The following PPEF1 variants were observed in gnomAD, a reference collection of about 807,000 sequenced individuals.
PPEF1 encodes protein phosphatase with EF-hand domain 1.
Under a neutral mutation model 53.3 loss-of-function variants are expected in PPEF1, and 12 were observed. The ratio of observed to expected loss-of-function variants is 0.23; its 90% confidence interval spans 0.14 to 0.36. PPEF1 has a LOEUF of 0.36. Among genes scored for constraint, PPEF1 ranks in the 10% least tolerant of loss-of-function variants. The probability of loss-of-function intolerance (pLI) is 1.00; values close to 1 mark genes in which losing one functional copy is unlikely to be tolerated. For missense variants in PPEF1, 334 were observed against 490.4 expected (o/e 0.68, Z 3.01); for synonymous variants, 165 against 176.7 (o/e 0.93, Z 0.52).
chrX:18,823,869 T>C (rs1197575244), intron 13 of PPEF1, 54 bp from the exon 14 acceptor site: 1 of 1,164,124 alleles, frequency 8.6e-7, no homozygotes, highest in Non-Finnish European at 1.2e-6. Context: ...GAGGTTGCAT[T>C]CTTTAAAATC....
intron 1 of PPEF1, among the ~76,000 whole-genome samples, chrX:18,713,166 A>G (rs938783586): frequency 1.8e-5 from 2 of 111,493 alleles, no homozygotes; most frequent in African/African-American, 3.3e-5. Context: ...CTTCTCCTCC[A>G]TTTTTTGGAA....
chrX:18,692,941 G>C (rs1388778491), intron 4 of PPEF1, among the ~76,000 whole-genome samples: 1 of 111,805 alleles, frequency 8.9e-6, no homozygotes, highest in African/African-American at 3.3e-5. Context: ...GATCAGTGGT[G>C]TTCTCTCTTA....
At chrX:18,726,913 C>T (rs1438183190) in intron 1 of PPEF1, among the ~76,000 whole-genome samples, 3 of 112,107 alleles carry the variant, frequency 2.7e-5, no homozygotes, top group South Asian at 3.7e-4. Flanking sequence ...CTGCCCACCT[C>T]GGCCTCCCAA....
At position 18,805,889 on chromosome X, in the gene PPEF1, AG is replaced by A. The variant is rs770711925; in HGVS notation, c.1252-512del. 9.3e-5 allele frequency among the ~76,000 whole-genome samples: 10 copies of A among 107,824 alleles called. No individual in the cohort carries two copies. In the South Asian group the frequency reaches 3.7e-3, roughly 40 times the overall value. 93.6% of individuals were successfully genotyped at this position (107,824 alleles called of 115,157 possible). ...TCCTCCCATATTCTACCACAGCCCAAGGCTAGTTCCTTCACAAGACAGTGGT... is the reference window on the plus strand; with the variant it reads ...TCCTCCCATATTCTACCACAGCCCAAGCTAGTTCCTTCACAAGACAGTGGT... On this transcript the variant is annotated intron_variant, in intron 11 of 15. Transcript: ENST00000470157.
chrX:18,695,023 G>A (rs2147250574), intron 4 of PPEF1, among the ~76,000 whole-genome samples: 1 of 112,030 alleles, frequency 8.9e-6, no homozygotes, highest in East Asian at 2.8e-4. Context: ...TTTCTGTGGG[G>A]CAGAAACCCA....
intron 9 of PPEF1, among the ~76,000 whole-genome samples, chrX:18,784,670 G>C (rs2147605664): frequency 9.0e-6 from 1 of 110,867 alleles, no homozygotes; most frequent in East Asian, 2.8e-4. Flanking sequence ...GTTTATTTCT[G>C]AATTGATACG....
intron 5 of PPEF1, 46 bp downstream of exon 5, chrX:18,757,787 T>C: frequency 1.0e-6 from 1 of 958,107 alleles, no homozygotes; most frequent in Non-Finnish European, 1.5e-6. Flanking sequence ...AGGAGCCTCT[T>C]GGTCCTACAT....
intron 2 of PPEF1, among the ~76,000 whole-genome samples, chrX:18,731,043 A>G (rs1167032567): frequency 8.9e-6 from 1 of 112,593 alleles, no homozygotes; most frequent in Non-Finnish European, 1.9e-5. Context: ...GAATACATAA[A>G]TCTAGTTTTA....
chrX:18,827,101 T>C (rs1318483467), intron 15 of PPEF1, among the ~76,000 whole-genome samples, 175 bp from the exon 16 acceptor site: 2 of 112,117 alleles, frequency 1.8e-5, no homozygotes, highest in African/African-American at 3.2e-5. Context: ...TAGTTGAAAG[T>C]GAGATATTGT....
intron 4 of PPEF1, among the ~76,000 whole-genome samples, chrX:18,695,376 T>A (rs1190858745): frequency 8.9e-6 from 1 of 112,677 alleles, no homozygotes; most frequent in East Asian, 2.8e-4. Context: ...GACATCCCAA[T>A]ACCATTGCCA....
Position 18,817,068 on chromosome X carries a change from A to ATGTG in PPEF1, c.1395-937_1395-934dup, listed in dbSNP as rs72334387. Among the ~76,000 whole-genome samples the ATGTG allele has an allele frequency of 4.3e-4, 43 of 100,118 alleles. No homozygotes were observed. In the South Asian group the frequency reaches 8.3e-3, roughly 19 times the overall value. The allele number at this position is 100,118 out of a possible 115,157, so 86.9% of individuals were successfully genotyped here. A position where few individuals can be genotyped will look rare whatever the true frequency, so the allele number is the denominator to read the frequency against. On this transcript the variant is annotated intron_variant, in intron 12 of 15. Coordinates refer to ENST00000470157, the MANE Select transcript of PPEF1 (RefSeq NM_001377996.1). ...CTGGATTTACATCTATCATTTTGCC[A>ATGTG]TGTGTGTGTGTGTGTGTGTGTGTGT...
intron 6 of PPEF1, among the ~76,000 whole-genome samples, chrX:18,769,268 C>G (rs185103060): frequency 1.0e-3 from 114 of 111,958 alleles, no homozygotes; most frequent in African/African-American, 3.5e-3. Context: ...ATAATCTTAT[C>G]ATCAAGTGAA....
intron 3 of PPEF1, among the ~76,000 whole-genome samples, chrX:18,743,429 T>C (rs993408102): frequency 9.5e-6 from 1 of 105,531 alleles, no homozygotes; most frequent in African/African-American, 3.5e-5. Flanking sequence ...TTTTTTTCTT[T>C]TCTTTTTTCT....
chrX:18,740,415 T>C (rs1277495442), intron 3 of PPEF1, among the ~76,000 whole-genome samples: 27 of 105,062 alleles, frequency 2.6e-4, no homozygotes, highest in Non-Finnish European at 4.1e-4. Context: ...CTCTCTCTCT[T>C]TTTTTTTTTT....
At chrX:18,737,744 T>A (rs781251283) in intron 3 of PPEF1, among the ~76,000 whole-genome samples, 4 of 110,600 alleles carry the variant, frequency 3.6e-5, no homozygotes, top group Admixed American at 9.7e-5. Flanking sequence ...CCCATTATTA[T>A]TGTGTGGGAG....
exon 2 of PPEF1, among the ~76,000 whole-genome samples, chrX:18,684,700 C>G: frequency 9.2e-6 from 1 of 108,875 alleles, no homozygotes. Flanking sequence ...AATCTTGGCT[C>G]ACTGCAACCT....
intron 1 of PPEF1, among the ~76,000 whole-genome samples, chrX:18,713,417 A>ATTTTT (rs754117445): frequency 1.9e-5 from 1 of 51,695 alleles, no homozygotes. Context: ...TTCCCTTAAA[A>ATTTTT]TTCTTTTTTT....
At chrX:18,782,973 C>T (rs183490953) in intron 8 of PPEF1, among the ~76,000 whole-genome samples, 2 of 108,688 alleles carry the variant, frequency 1.8e-5, no homozygotes, top group South Asian at 4.1e-4. Flanking sequence ...ATTAGCTGGG[C>T]GTGGTGGCAT....
At chrX:18,781,433 G>A (rs921648610) in intron 7 of PPEF1, among the ~76,000 whole-genome samples, 1 of 111,347 alleles carries the variant, frequency 9.0e-6, no homozygotes, top group Non-Finnish European at 1.9e-5. Flanking sequence ...AGGAGAGCTT[G>A]CAAAAGAGGC....
Sources: allele counts gnomAD v4.1 joint callset (sites outside exome capture counted in the v4.1 genomes callset), GRCh38; gene constraint gnomAD v4.1.1; transcripts MANE v1.5; gene names NCBI Gene and HGNC (gene_info 2026-07-23, HGNC 2026-07-21).